Variants in ANTXR2 observed in about 807,000 individuals in gnomAD.
The protein encoded by ANTXR2 is ANTXR cell adhesion molecule 2.
Under a neutral mutation model 73.7 loss-of-function variants are expected in ANTXR2, and 44 were observed. The observed-to-expected ratio is 0.60, with a 90% CI of 0.47 to 0.77. ANTXR2 has a LOEUF of 0.77. Ranked by LOEUF, ANTXR2 falls within the 30% of genes least tolerant of loss-of-function variation. The probability of loss-of-function intolerance (pLI) is 0.00; values close to 1 mark genes in which losing one functional copy is unlikely to be tolerated. For synonymous variants in ANTXR2, 217 were observed against 205.9 expected (o/e 1.05, Z -0.46); for missense variants, 604 against 592.5 (o/e 1.02, Z -0.20).
chr4:79,927,037 GTATA>G lies in ANTXR2; in HGVS notation c.1429-19574_1429-19571del, dbSNP rs1290517834. ...TATATACATATGTGTATATATGTGT[GTATA>G]TATATGTGCGTGTGTGTGTGTATAT... On this transcript the variant is annotated intron_variant, in intron 16 of 16. Coordinates refer to ENST00000403729, the MANE Select transcript of ANTXR2 (RefSeq NM_058172.6). Among the ~76,000 whole-genome samples the G allele has an allele frequency of 2.7e-5, 3 of 110,114 alleles. No individual in the cohort carries two copies. The South Asian group carries it at 1.1e-3, about 39-fold the overall frequency. The allele number at this position is 110,114 out of a possible 152,430, so 72.2% of individuals were successfully genotyped here. A position where few individuals can be genotyped will look rare whatever the true frequency, so the allele number is the denominator to read the frequency against.
chr4:80,035,065 GA>G (rs1732892969), intron 8 of ANTXR2, among the ~76,000 whole-genome samples: 1 of 152,118 alleles, frequency 6.6e-6, no homozygotes, highest in South Asian at 2.1e-4. Context: ...TTGTTATAAG[GA>G]TTAGGTAAAA....
At chr4:80,041,417 C>T (rs1451217939) in intron 7 of ANTXR2, among the ~76,000 whole-genome samples, 2 of 151,882 alleles carry the variant, frequency 1.3e-5, no homozygotes, top group East Asian at 3.9e-4. Context: ...TAAGCTTTTG[C>T]TTTTATTTGT....
intron 13 of ANTXR2, 134 bp downstream of exon 13, chr4:79,984,685 C>T (rs550656330): frequency 2.5e-6 from 2 of 797,550 alleles, no homozygotes; most frequent in South Asian, 1.6e-5. Context: ...AAAATAACCA[C>T]TGATTTGTAT....
At chr4:80,015,314 A>C (rs1200462223) in intron 11 of ANTXR2, among the ~76,000 whole-genome samples, 1 of 152,216 alleles carries the variant, frequency 6.6e-6, no homozygotes, top group Non-Finnish European at 1.5e-5. Flanking sequence ...TTTTGGAATG[A>C]AACATTCCCC....
In ANTXR2 at chr4:80,054,281, T is replaced by C; in HGVS notation, c.627A>G (p.Ile209Met). The C allele has an allele frequency of 6.3e-7, 1 of 1,596,762 alleles. No homozygotes were observed. The highest frequency in any genetic ancestry group is 8.5e-7 in the Non-Finnish European group (1 of 1,171,356). The change falls in exon 7 of 17, where the codon ATA becomes ATG. Residue 209 changes from isoleucine to methionine, a missense_variant. By Grantham distance (10) the Ile-to-Met change is conservative (BLOSUM62 1). Coordinates refer to ENST00000403729, the MANE Select transcript of ANTXR2 (RefSeq NM_058172.6). ...CCAGAGAAATACTCACAGAATTAAT[T>C]ATTCCTTTAAGAGCCTGAAATCCAC... ...VKGGFQALKG[I>M]INSILAQSCT...
intron 16 of ANTXR2, among the ~76,000 whole-genome samples, chr4:79,974,387 C>T (rs1310845107): frequency 6.6e-6 from 1 of 151,924 alleles, no homozygotes; most frequent in Non-Finnish European, 1.5e-5. Flanking sequence ...GCCTGAAGTC[C>T]CGCACTTAAG....
In ANTXR2 at chr4:80,008,508, C is replaced by G; in HGVS notation, c.1041+13G>C. The G allele has an allele frequency of 6.3e-7, 1 of 1,589,412 alleles. No homozygotes were observed. Among genetic ancestry groups the G allele is most frequent in the South Asian group, 1.1e-5 (1 of 88,722 alleles). ...ATTTTTTTTAAGTAGAGTTGTAAAT[C>G]CTTCTTACTCACCACTTTGCAGCAA... On this transcript the variant is annotated intron_variant, in intron 12 of 16. Transcript: ENST00000403729.
rs1385568629 is a variant in ANTXR2, at chr4:79,906,892, G to A, written c.*537C>T. On this transcript the variant is annotated 3_prime_UTR_variant, in exon 17 of 17. Coordinates refer to ENST00000403729, the MANE Select transcript of ANTXR2 (RefSeq NM_058172.6). ...TTCCCATAAGGCACACTGTGATAGA[G>A]CACTTGGAAGGATTCTGTGATCTGA... is the stretch of plus-strand genomic sequence containing the variant. 1 of 158,202 alleles carries A rather than the reference G, an allele frequency of 6.3e-6. No homozygotes were observed. Among genetic ancestry groups the A allele is most frequent in the Non-Finnish European group, 1.4e-5 (1 of 72,346 alleles). 9.8% of individuals were successfully genotyped at this position (158,202 alleles called of 1,614,324 possible).
At chr4:80,058,944 C>A (rs1026515584) in intron 3 of ANTXR2, among the ~76,000 whole-genome samples, 2 of 152,062 alleles carry the variant, frequency 1.3e-5, no homozygotes, top group Non-Finnish European at 2.9e-5. Flanking sequence ...GCAGAAGTTT[C>A]TTTGTCACCC....
chr4:79,974,920 A>G (rs1729567298), intron 16 of ANTXR2, among the ~76,000 whole-genome samples: 1 of 152,332 alleles, frequency 6.6e-6, no homozygotes, highest in African/African-American at 2.4e-5. Context: ...AGAATGTTAA[A>G]TTTATTTGAT....
intron 7 of ANTXR2, among the ~76,000 whole-genome samples, chr4:80,051,804 A>T (rs1334330908): frequency 6.6e-6 from 1 of 151,644 alleles, no homozygotes; most frequent in Non-Finnish European, 1.5e-5. Context: ...ACTACCATGA[A>T]GAAAGGCTCC....
intron 16 of ANTXR2, among the ~76,000 whole-genome samples, chr4:79,924,835 GAAAC>G (rs1202291596): frequency 2.6e-5 from 4 of 151,916 alleles, no homozygotes; most frequent in East Asian, 3.9e-4. Flanking sequence ...TTTGTTGACT[GAAAC>G]AAACAAAAAA....
chr4:79,986,446 CTGTT>C (rs1560944277), intron 12 of ANTXR2, among the ~76,000 whole-genome samples: 1 of 152,058 alleles, frequency 6.6e-6, no homozygotes, highest in African/African-American at 2.4e-5. Flanking sequence ...TATTTAAAGA[CTGTT>C]TGTCTTTTAA....
rs577214850 is a variant in ANTXR2 at position 79,929,153 on chromosome 4, T to C, written c.1429-21686A>G. On this transcript the variant is annotated intron_variant, in intron 16 of 16. Coordinates refer to ENST00000403729, the MANE Select transcript of ANTXR2 (RefSeq NM_058172.6). ...TATTGCCTACAATTTCTGGTGGAAA[T>C]AGATGACCACTACTGGGCTCACAGA... Among the ~76,000 whole-genome samples, 6 of 152,182 alleles carry C rather than the reference T, an allele frequency of 3.9e-5. No individual in the cohort carries two copies. The South Asian group carries it at 8.3e-4, about 21-fold the overall frequency.
intron 12 of ANTXR2, among the ~76,000 whole-genome samples, chr4:80,000,976 C>G (rs889853578): frequency 3.3e-5 from 5 of 152,028 alleles, no homozygotes; most frequent in African/African-American, 1.2e-4. Flanking sequence ...ATTCTAATAA[C>G]ATATATGCGT....
At chr4:79,965,889 A>G (rs1274059893) in intron 16 of ANTXR2, among the ~76,000 whole-genome samples, 1 of 152,186 alleles carries the variant, frequency 6.6e-6, no homozygotes, top group Non-Finnish European at 1.5e-5. Context: ...TAAAAGTGAT[A>G]TACATTTTCA....
intron 12 of ANTXR2, among the ~76,000 whole-genome samples, chr4:79,999,914 G>A (rs961364595): frequency 6.6e-6 from 1 of 151,606 alleles, no homozygotes; most frequent in Admixed American, 6.6e-5. Context: ...CAGAGAACCT[G>A]ACTCAAAAAA....
intron 3 of ANTXR2, among the ~76,000 whole-genome samples, chr4:80,064,025 C>A (rs1159537565): frequency 6.6e-6 from 1 of 152,046 alleles, no homozygotes; most frequent in Non-Finnish European, 1.5e-5. Flanking sequence ...TAATAAGTTA[C>A]TTACTGTATA....
In ANTXR2 at chr4:80,073,140, G is replaced by C. The variant is rs1194477435; in HGVS notation, c.-580C>G. 1.3e-5 allele frequency: 2 copies of C among 152,660 alleles called. No homozygotes were observed. Among genetic ancestry groups the C allele is most frequent in the African/African-American group, 4.8e-5 (2 of 41,452 alleles). 9.5% of individuals were successfully genotyped at this position (152,660 alleles called of 1,614,324 possible). A position where few individuals can be genotyped will look rare whatever the true frequency, so the allele number is the denominator to read the frequency against. ...TGCGCTGACAGGCCGTCCCCTTTAG[G>C]GGAGGAGGCTAGCTGGCCCTGGGAC... On this transcript the variant is annotated 5_prime_UTR_variant, in exon 1 of 17. Coordinates refer to ENST00000403729, the MANE Select transcript of ANTXR2 (RefSeq NM_058172.6).
Sources: allele counts gnomAD v4.1 joint callset (sites outside exome capture counted in the v4.1 genomes callset), GRCh38; gene constraint gnomAD v4.1.1; transcripts MANE v1.5; gene names NCBI Gene and HGNC (gene_info 2026-07-23, HGNC 2026-07-21).